The following SHLD1 variants were observed in gnomAD, a reference collection of about 807,000 sequenced individuals.
SHLD1 encodes the protein shieldin complex subunit 1.
Under a neutral mutation model 5.5 loss-of-function variants are expected in SHLD1, and 3 were observed. That is an observed-to-expected ratio of 0.54 (90% CI 0.25 to 1.40). The LOEUF (loss-of-function observed/expected upper bound fraction) is 1.40, where lower values mean the gene tolerates loss of function less well. Ranked by LOEUF, SHLD1 falls within the 40% of genes most tolerant of loss-of-function variation. The pLI is 0.15. For missense variants in SHLD1, 210 were observed against 244.4 expected, an observed-to-expected ratio of 0.86 and a Z score of 0.94; for synonymous variants, 92 against 94.3, an observed-to-expected ratio of 0.98 and a Z score of 0.14.
intron 2 of SHLD1, among the ~76,000 whole-genome samples, chr20:5,821,250 C>T (rs2006212): frequency 1.1e-4 from 17 of 152,218 alleles, no homozygotes; most frequent in South Asian, 2.1e-4. Context: ...TGGTGGCTCA[C>T]GCCTATAATC....
intron 2 of SHLD1, among the ~76,000 whole-genome samples, chr20:5,859,626 G>A (rs1476501723): frequency 6.6e-6 from 1 of 152,192 alleles, no homozygotes; most frequent in African/African-American, 2.4e-5. Flanking sequence ...AAGAAATGGT[G>A]ACATCCAAAA....
At chr20:5,791,282 C>A (rs1195657612) in intron 2 of SHLD1, among the ~76,000 whole-genome samples, 2 of 151,568 alleles carry the variant, frequency 1.3e-5, no homozygotes, top group Non-Finnish European at 1.5e-5. Context: ...AGAAGCAAGT[C>A]AGTTGGGCAC....
Position 5,803,786 on chromosome 20 carries a change from C to T in SHLD1, c.178+30743C>T, listed in dbSNP as rs6053719. The stretch of plus-strand genomic sequence containing the variant: ...ACTCAGAAGGCTAAGGCAGGAGAAT[C>T]GCTTGAAGCTGGGAGGTGGAGGTTG... On this transcript the variant is annotated intron_variant, in intron 2 of 2. Transcript: ENST00000303142. 7.9e-3 allele frequency among the ~76,000 whole-genome samples: 1,197 copies of T among 151,360 alleles called. 13 individuals carry two copies. Among genetic ancestry groups the T allele is most frequent in the African/African-American group, 0.027 (1,121 of 41,218 alleles).
intron 2 of SHLD1, among the ~76,000 whole-genome samples, chr20:5,824,287 C>T (rs1276256310): frequency 6.6e-6 from 1 of 152,260 alleles, no homozygotes; most frequent in Non-Finnish European, 1.5e-5. Context: ...CAGATCTCTG[C>T]TCAGATGTGA....
In SHLD1 at chr20:5,818,690, T is replaced by C. The variant is rs191296609; in HGVS notation, c.179-44334T>C. Among the ~76,000 whole-genome samples, 818 of 152,214 alleles carry C rather than the reference T, an allele frequency of 5.4e-3. 18 individuals are homozygous for C. The highest frequency in any genetic ancestry group is 0.035 in the Admixed American group (529 of 15,290). On this transcript the variant is annotated intron_variant, in intron 2 of 2. Coordinates refer to ENST00000303142, the MANE Select transcript of SHLD1 (RefSeq NM_152504.4). The stretch of plus-strand genomic sequence containing the variant: ...GCCTGGGTTGAGGTTTATAAGCATA[T>C]GGTAATGAGGCGTGAATGAGGTGAC...
chr20:5,828,646 C>A (rs1472321809), intron 2 of SHLD1, among the ~76,000 whole-genome samples: 1 of 152,136 alleles, frequency 6.6e-6, no homozygotes, highest in Non-Finnish European at 1.5e-5. Flanking sequence ...TTCTGCAATT[C>A]TTTTGCTTCG....
At chr20:5,839,534 A>AGATAGAT (rs1470084038) in intron 2 of SHLD1, among the ~76,000 whole-genome samples, 105 of 141,616 alleles carry the variant, frequency 7.4e-4, no homozygotes, top group South Asian at 2.7e-3. Context: ...GATGATAGAT[A>AGATAGAT]GACAGATAGA....
chr20:5,772,737 C>A (rs1306553903), intron 1 of SHLD1, 125 bp from the exon 2 acceptor site: 2 of 942,906 alleles, frequency 2.1e-6, no homozygotes, highest in African/African-American at 1.7e-5. Context: ...CTTAGTGAGA[C>A]CTGATCTCTA....
intron 1 of SHLD1, among the ~76,000 whole-genome samples, chr20:5,752,658 C>A (rs1019635527): frequency 6.7e-6 from 1 of 149,244 alleles, no homozygotes; most frequent in Non-Finnish European, 1.5e-5. Context: ...GTTCTGTCAC[C>A]CAAACTGGAG....
chr20:5,766,554 G>A (rs1335257327), intron 1 of SHLD1, among the ~76,000 whole-genome samples: 2 of 152,076 alleles, frequency 1.3e-5, no homozygotes, highest in Non-Finnish European at 2.9e-5. Context: ...GGCTGCTTTC[G>A]AGATGTGTTT....
intron 2 of SHLD1, among the ~76,000 whole-genome samples, chr20:5,824,324 C>T (rs957030994): frequency 6.6e-6 from 1 of 152,238 alleles, no homozygotes; most frequent in Admixed American, 6.5e-5. Flanking sequence ...TTGCCTTCCC[C>T]ATCCAACCTG....
chr20:5,852,408 T>G (rs2088022321), intron 2 of SHLD1, among the ~76,000 whole-genome samples: 1 of 150,732 alleles, frequency 6.6e-6, no homozygotes, highest in African/African-American at 2.5e-5. Context: ...CCTTCCTTCC[T>G]TTCCCTCCCT....
intron 2 of SHLD1, among the ~76,000 whole-genome samples, chr20:5,824,947 A>G (rs1016715725): frequency 2.6e-5 from 4 of 152,200 alleles, no homozygotes; most frequent in Admixed American, 6.5e-5. Flanking sequence ...TAGCTAAACC[A>G]TGTCCTTTCC....
At chr20:5,768,014 A>C in intron 1 of SHLD1, among the ~76,000 whole-genome samples, 1 of 130,712 alleles carries the variant, frequency 7.7e-6, no homozygotes, top group Non-Finnish European at 1.6e-5. Flanking sequence ...TTGCTTTTTC[A>C]CCCAGGCTGG....
At chr20:5,772,543 T>C (rs1985223078) in intron 1 of SHLD1, among the ~76,000 whole-genome samples, 1 of 152,208 alleles carries the variant, frequency 6.6e-6, no homozygotes, top group African/African-American at 2.4e-5. Flanking sequence ...TGAGATCAAC[T>C]GAAACTGCAG....
At chr20:5,817,416 CTCTCTCTCTCTCTCTCTGTG>C (rs1193137797) in intron 2 of SHLD1, among the ~76,000 whole-genome samples, 6 of 137,778 alleles carry the variant, frequency 4.4e-5, no homozygotes, top group African/African-American at 1.7e-4. Context: ...CTCTCTCTCT[CTCTCTCTCTCTCTCTCTGTG>C]TGTGTGTGTG....
chr20:5,797,056 C>T (rs1233408819), intron 2 of SHLD1, among the ~76,000 whole-genome samples: 1 of 152,120 alleles, frequency 6.6e-6, no homozygotes, highest in Non-Finnish European at 1.5e-5. Flanking sequence ...AGACCCAGAG[C>T]TCTGGATTCT....
intron 1 of SHLD1, among the ~76,000 whole-genome samples, chr20:5,753,182 T>A (rs1675919815): frequency 6.6e-6 from 1 of 152,228 alleles, no homozygotes; most frequent in African/African-American, 2.4e-5. Flanking sequence ...ATAAGCCACA[T>A]TATACCAGGT....
intron 2 of SHLD1, among the ~76,000 whole-genome samples, chr20:5,773,961 T>C (rs1264658740): frequency 6.6e-6 from 1 of 152,112 alleles, no homozygotes; most frequent in Non-Finnish European, 1.5e-5. Context: ...CCTAACACTT[T>C]GGGAGGCCGA....
Sources: allele counts gnomAD v4.1 joint callset (sites outside exome capture counted in the v4.1 genomes callset), GRCh38; gene constraint gnomAD v4.1.1; transcripts MANE v1.5; gene names NCBI Gene and HGNC (gene_info 2026-07-23, HGNC 2026-07-21).